The following PARD6B variants were observed in gnomAD, a reference collection of about 807,000 sequenced individuals.
PARD6B encodes par-6 family cell polarity regulator beta, also known as partitioning defective 6 homolog beta.
Under a neutral mutation model 10.5 loss-of-function variants are expected in PARD6B, and 4 were observed. The ratio of observed to expected loss-of-function variants is 0.38; its 90% confidence interval spans 0.19 to 0.87. The LOEUF (loss-of-function observed/expected upper bound fraction) is 0.87. Among genes scored for constraint, PARD6B ranks in the 40% least tolerant of loss-of-function variants. The pLI, the probability that PARD6B is intolerant of heterozygous loss-of-function variation, is 0.41. For synonymous variants in PARD6B, 169 were observed against 170.4 expected (o/e 0.99, Z 0.07); for missense variants, 396 against 470.6 (o/e 0.84, Z 1.47).
At chr20:50,740,948 G>C (rs2123702464) in intron 2 of PARD6B, among the ~76,000 whole-genome samples, 1 of 149,840 alleles carries the variant, frequency 6.7e-6, no homozygotes, top group Non-Finnish European at 1.5e-5. Context: ...CCTCAGACTT[G>C]ATGAGCTTGT....
rs2123709680 is a variant in PARD6B, at chr20:50,751,000, C to A, written c.*512C>A. The A allele has an allele frequency of 1.7e-6, 1 of 597,092 alleles. No individual in the cohort carries two copies. The highest frequency in any genetic ancestry group is 2.0e-6 in the Non-Finnish European group (1 of 508,790). The allele number at this position is 597,092 out of a possible 1,614,324, so 37.0% of individuals were successfully genotyped here. Reference sequence around the variant, plus strand: ...TTTTTTTTTTTTAGTGACTGGGTCTCACTCTGTTGCCCACACTGGAATGCA... The same window carrying A: ...TTTTTTTTTTTTAGTGACTGGGTCTAACTCTGTTGCCCACACTGGAATGCA... On this transcript the variant is annotated 3_prime_UTR_variant, in exon 3 of 3. Coordinates refer to ENST00000371610, the MANE Select transcript of PARD6B (RefSeq NM_032521.3).
In PARD6B at chr20:50,736,449, C is replaced by T. The variant is rs530501795; in HGVS notation, c.67-1408C>T. 1.6e-4 allele frequency among the ~76,000 whole-genome samples: 25 copies of T among 152,242 alleles called. No homozygotes were observed. In the South Asian group the frequency reaches 4.8e-3, roughly 29 times the overall value. ...TCAGTGGTTAAACACATTAGGCAAACGTTCGTTTAAATATTTTTAAAAACC... is the reference window on the plus strand; with the variant it reads ...TCAGTGGTTAAACACATTAGGCAAATGTTCGTTTAAATATTTTTAAAAACC... On this transcript the variant is annotated intron_variant, in intron 1 of 2. Coordinates refer to ENST00000371610, the MANE Select transcript of PARD6B (RefSeq NM_032521.3).
chr20:50,753,639 A>G lies in PARD6B; in HGVS notation c.*3151A>G. 3 of 789,320 alleles carry G rather than the reference A, an allele frequency of 3.8e-6. No individual in the cohort carries two copies. Among genetic ancestry groups the G allele is most frequent in the Non-Finnish European group, 4.6e-6 (3 of 650,772 alleles). 48.9% of individuals were successfully genotyped at this position (789,320 alleles called of 1,614,324 possible). On this transcript the variant is annotated 3_prime_UTR_variant, in exon 3 of 3. Coordinates refer to ENST00000371610, the MANE Select transcript of PARD6B (RefSeq NM_032521.3). Reference sequence around the variant, plus strand: ...GTCAGTATTTTACTACAATTTTATTATAAAGTGTACATTATCACTAAATGA... The same window carrying G: ...GTCAGTATTTTACTACAATTTTATTGTAAAGTGTACATTATCACTAAATGA...
chr20:50,744,955 G>A lies in PARD6B; in HGVS notation c.290-4704G>A, dbSNP rs1600818188. On this transcript the variant is annotated intron_variant, in intron 2 of 2. Transcript: ENST00000371610. The stretch of plus-strand genomic sequence containing the variant: ...TGCCATCTCCTCTTTTAGATTGTAA[G>A]CACCACGAAAGTAGACACCATACCT... 2.0e-5 allele frequency among the ~76,000 whole-genome samples: 3 copies of A among 152,206 alleles called. No individual in the cohort carries two copies. In the South Asian group the frequency reaches 6.2e-4, roughly 32 times the overall value.
intron 1 of PARD6B, among the ~76,000 whole-genome samples, chr20:50,732,320 G>T (rs1249585906): frequency 6.6e-6 from 1 of 152,154 alleles, no homozygotes; most frequent in Non-Finnish European, 1.5e-5. Flanking sequence ...CCCTTTAAAA[G>T]TTCGCTTTGC....
chr20:50,737,976 T>C lies in PARD6B; in HGVS notation c.186T>C (p.Tyr62=). 1 of 1,613,872 alleles carries C rather than the reference T, an allele frequency of 6.2e-7. No homozygotes were observed. Among genetic ancestry groups the C allele is most frequent in the Non-Finnish European group, 8.5e-7 (1 of 1,179,850 alleles). ...CCAATGTTGACGTTTTGGTAGGCTA[T>C]GCAGACATCCATGGAGACTTACTAC... ...KIPNVDVLVG[Y]ADIHGDLLPI... Residue 62 remains tyrosine (Y), a synonymous_variant, in exon 2 of 3, where the codon TAT becomes TAC. Coordinates refer to ENST00000371610, the MANE Select transcript of PARD6B (RefSeq NM_032521.3).
At chr20:50,738,157 T>G (rs2087510507) in intron 2 of PARD6B, 78 bp downstream of exon 2, 1 of 1,033,170 alleles carries the variant, frequency 9.7e-7, no homozygotes, top group Non-Finnish European at 1.4e-6. Flanking sequence ...ACCCAGACTT[T>G]GCCACAAACT....
At position 50,750,278 on chromosome 20, in the gene PARD6B, G is replaced by C; in HGVS notation, c.909G>C (p.Val303=). ...ACATTATCATTGAAGACAATGGAGT[G>C]CCACAGCAGATTCCAAAAGCTGTTC... is the stretch of plus-strand genomic sequence containing the variant. ...EDDIIIEDNG[V]PQQIPKAVPN... The change falls in exon 3 of 3, where the codon GTG becomes GTC. Residue 303 remains valine (V), a synonymous_variant. Coordinates refer to ENST00000371610, the MANE Select transcript of PARD6B (RefSeq NM_032521.3). The C allele has an allele frequency of 6.2e-7, 1 of 1,614,214 alleles. No homozygotes were observed. Among genetic ancestry groups the C allele is most frequent in the Non-Finnish European group, 8.5e-7 (1 of 1,180,038 alleles).
chr20:50,751,110 T>G lies in PARD6B; in HGVS notation c.*622T>G. On this transcript the variant is annotated 3_prime_UTR_variant, in exon 3 of 3. Transcript: ENST00000371610. ...TCAGCCTCCTGAGTAGCTGGGACCA[T>G]AGGCACATACCACCACATCTGTCTA... 6 of 488,766 alleles carry G rather than the reference T, an allele frequency of 1.2e-5. No homozygotes were observed. The highest frequency in any genetic ancestry group is 1.6e-5 in the Non-Finnish European group (6 of 377,268). 30.3% of individuals were successfully genotyped at this position (488,766 alleles called of 1,614,324 possible).
rs1295294255 is a variant in PARD6B at position 50,751,540 on chromosome 20, GT to G, written c.*1055del. ...CTGGCTAATTTTTAGTAGAGACGGG[GT>G]TTCGCAGTGTTAGCCAGGAAGGTCT... On this transcript the variant is annotated 3_prime_UTR_variant, in exon 3 of 3. Transcript: ENST00000371610. 4.6e-6 allele frequency: 4 copies of G among 864,322 alleles called. No homozygotes were observed. The highest frequency in any genetic ancestry group is 5.5e-6 in the Non-Finnish European group (4 of 720,872). 53.5% of individuals were successfully genotyped at this position (864,322 alleles called of 1,614,324 possible). A position where few individuals can be genotyped will look rare whatever the true frequency, so the allele number is the denominator to read the frequency against.
intron 1 of PARD6B, among the ~76,000 whole-genome samples, chr20:50,734,699 T>A (rs1034918203): frequency 2.1e-4 from 32 of 152,066 alleles, no homozygotes; most frequent in African/African-American, 7.2e-4. Flanking sequence ...TTTTTTTATC[T>A]TTTTAGAGAC....
At chr20:50,735,384 G>A (rs1313390386) in intron 1 of PARD6B, among the ~76,000 whole-genome samples, 1 of 152,030 alleles carries the variant, frequency 6.6e-6, no homozygotes, top group African/African-American at 2.4e-5. Context: ...TAATAACCCT[G>A]GAACAGTCTT....
Position 50,749,728 on chromosome 20 carries a change from T to G in PARD6B, c.359T>G (p.Leu120Trp), listed in dbSNP as rs2087589060. 4 of 1,613,938 alleles carry G rather than the reference T, an allele frequency of 2.5e-6. No homozygotes were observed. In the South Asian group the frequency reaches 4.4e-5, roughly 18 times the overall value. ...AAGAAGAATGTTTTAACCAACGTAT[T>G]GCGTCCTGACAACCATAGAAAAAAG... ...IKKKNVLTNV[L>W]RPDNHRKKPH... The change falls in exon 3 of 3, where the codon TTG becomes TGG. Residue 120 changes from leucine (L) to tryptophan (W), a missense_variant. Physicochemically the swap from Leu to Trp is moderately conservative, Grantham distance 61 (BLOSUM62 -2). Transcript: ENST00000371610.
Position 50,749,953 on chromosome 20 carries a change from C to A in PARD6B, c.584C>A (p.Ser195Tyr). 1 of 1,614,168 alleles carries A rather than the reference C, an allele frequency of 6.2e-7. No individual in the cohort carries two copies. Among genetic ancestry groups the A allele is most frequent in the South Asian group, 1.1e-5 (1 of 91,078 alleles). Residue 195 changes from serine (S) to tyrosine (Y), a missense_variant, in exon 3 of 3, where the codon TCC (serine) becomes TAC (tyrosine). By Grantham distance (144) the Ser-to-Tyr change is moderately radical. Coordinates refer to ENST00000371610, the MANE Select transcript of PARD6B (RefSeq NM_032521.3). ...GLEKVPGIFI[S>Y]RLVPGGLAQS... ...GAAAAGGTTCCAGGGATCTTTATAT[C>A]CAGGCTTGTCCCAGGAGGTCTGGCT...
At chr20:50,736,021 G>A (rs1349081016) in intron 1 of PARD6B, among the ~76,000 whole-genome samples, 2 of 152,328 alleles carry the variant, frequency 1.3e-5, no homozygotes, top group East Asian at 3.9e-4. Context: ...GAAATGTGAA[G>A]GTGTGACTAA....
intron 1 of PARD6B, among the ~76,000 whole-genome samples, chr20:50,733,210 A>G (rs1229187678): frequency 1.3e-5 from 2 of 152,220 alleles, no homozygotes; most frequent in Non-Finnish European, 1.5e-5. Flanking sequence ...ACCTGAGGTC[A>G]GGAGTGCCAG....
At chr20:50,734,131 G>A (rs1454282495) in intron 1 of PARD6B, among the ~76,000 whole-genome samples, 2 of 152,210 alleles carry the variant, frequency 1.3e-5, no homozygotes, top group African/African-American at 4.8e-5. Context: ...GATATAGGTA[G>A]TGAGTGTTTC....
At chr20:50,732,467 C>G (rs746822888) in intron 1 of PARD6B, among the ~76,000 whole-genome samples, 1 of 152,198 alleles carries the variant, frequency 6.6e-6, no homozygotes, top group Admixed American at 6.5e-5. Flanking sequence ...TACCTACTCA[C>G]ATCAAGTGCT....
intron 1 of PARD6B, among the ~76,000 whole-genome samples, chr20:50,733,837 T>A (rs1355862860): frequency 6.6e-6 from 1 of 152,200 alleles, no homozygotes; most frequent in Non-Finnish European, 1.5e-5. Flanking sequence ...AAAAAATGAG[T>A]AGGAATTCTA....
Sources: allele counts gnomAD v4.1 joint callset (sites outside exome capture counted in the v4.1 genomes callset), GRCh38; gene constraint gnomAD v4.1.1; transcripts MANE v1.5; gene names NCBI Gene and HGNC (gene_info 2026-07-23, HGNC 2026-07-21).